The following PLD2 variants were observed in gnomAD, a reference collection of about 807,000 sequenced individuals.
PLD2 encodes the protein choline phosphatase 2.
In PLD2, 101 loss-of-function variants were observed where a neutral mutation model predicts 119.8. The observed-to-expected ratio is 0.84, with a 90% CI of 0.72 to 0.99. The LOEUF (loss-of-function observed/expected upper bound fraction) is 0.99, where lower values mean the gene tolerates loss of function less well. PLD2 is among the 50% of genes least tolerant of loss of function. The pLI is 0.00. For missense variants in PLD2, 1,164 were observed against 1,226.8 expected (o/e 0.95, Z 0.76); for synonymous variants, 494 against 482.8 (o/e 1.02, Z -0.30).
rs1005376207 is a variant in PLD2, at chr17:4,814,573, G to C, written c.1095-60G>C. Reference sequence around the variant, plus strand: ...GGCAGATCAGCATTAGGAGGAGAAGGGGGGTGCAGCTGGTGGTCTGGGGCT... The same window carrying C: ...GGCAGATCAGCATTAGGAGGAGAAGCGGGGTGCAGCTGGTGGTCTGGGGCT... On this transcript the variant is annotated intron_variant, in intron 11 of 24. Transcript: ENST00000263088. The C allele has an allele frequency of 1.6e-5, 26 of 1,612,936 alleles. No individual in the cohort carries two copies. The East Asian group carries it at 1.8e-4, about 11-fold the overall frequency.
intron 13 of PLD2, 33 bp from the exon 14 acceptor site, chr17:4,815,731 C>T (rs892461154): frequency 6.2e-7 from 1 of 1,609,844 alleles, no homozygotes; most frequent in South Asian, 1.1e-5. Context: ...TTCACCTAAA[C>T]CCACCCTCAT....
At position 4,807,793 on chromosome 17, in the gene PLD2, C is replaced by G. The variant is rs1254286946; in HGVS notation, c.21C>G (p.Ser7Arg). Reference sequence around the variant, plus strand: ...CTAGGATGACGGCGACCCCTGAGAGCCTCTTCCCCACTGGGGACGAACTGG... The same window carrying G: ...CTAGGATGACGGCGACCCCTGAGAGGCTCTTCCCCACTGGGGACGAACTGG... MTATPE[S>R]LFPTGDELDS... Residue 7 changes from serine to arginine, a missense_variant, in exon 2 of 25, where the codon AGC becomes AGG. Coordinates refer to ENST00000263088, the MANE Select transcript of PLD2 (RefSeq NM_002663.5). This position sits in a 1 kb window ranked among gnomAD's most constrained non-coding sequence, Gnocchi z 5.4. 8.7e-6 allele frequency: 14 copies of G among 1,607,434 alleles called. No homozygotes were observed. Among genetic ancestry groups the G allele is most frequent in the Non-Finnish European group, 1.1e-5 (13 of 1,176,510 alleles).
intron 17 of PLD2, 158 bp downstream of exon 17, chr17:4,817,417 C>A: frequency 1.6e-6 from 1 of 641,168 alleles, no homozygotes; most frequent in South Asian, 1.7e-5. Flanking sequence ...AATCCCAGCA[C>A]TTTGGAAGGC....
chr17:4,807,931 C>A lies in PLD2; in HGVS notation c.109+50C>A, dbSNP rs372196693. Reference sequence around the variant, plus strand: ...TCAGGGAGGAGAGGCGTTCGGGAGCCAGGGGGCTGGGGCCTGTTGTGGTCT... The same window carrying A: ...TCAGGGAGGAGAGGCGTTCGGGAGCAAGGGGGCTGGGGCCTGTTGTGGTCT... On this transcript the variant is annotated intron_variant, in intron 2 of 24. Transcript: ENST00000263088. This position sits in a 1 kb window ranked among gnomAD's most constrained non-coding sequence, Gnocchi z 5.4. 1.9e-6 allele frequency: 3 copies of A among 1,606,860 alleles called. No homozygotes were observed. The African/African-American group carries it at 4.0e-5, about 21-fold the overall frequency.
intron 7 of PLD2, 35 bp from the exon 8 acceptor site, chr17:4,809,656 T>A (rs1273775546): frequency 1.2e-6 from 2 of 1,611,516 alleles, no homozygotes; most frequent in Non-Finnish European, 1.7e-6. Flanking sequence ...GGGTCTGGAG[T>A]CCTCATCCCG....
At position 4,815,542 on chromosome 17, in the gene PLD2, G is replaced by A. The variant is rs1222781974; in HGVS notation, c.1240G>A (p.Gly414Ser). ...EVELALGINS[G>S]YSKRALMLLH... ...GGAATTGGCCTTGGGCATCAACAGT[G>A]GCTATAGCAAGAGGGCGCTGATGCT... is the stretch of plus-strand genomic sequence containing the variant. Residue 414 changes from glycine to serine, a missense_variant, in exon 13 of 25, where the codon GGC (glycine) becomes AGC (serine). Gly to Ser is a moderately conservative substitution (Grantham distance 56, BLOSUM62 0). Transcript: ENST00000263088. 2 of 1,613,756 alleles carry A rather than the reference G, an allele frequency of 1.2e-6. No homozygotes were observed. Among genetic ancestry groups the A allele is most frequent in the East Asian group, 4.5e-5 (2 of 44,882 alleles).
rs758741236 is a variant in PLD2 at position 4,818,867 on chromosome 17, G to A, written c.2173+44G>A. The A allele has an allele frequency of 5.6e-6, 9 of 1,597,062 alleles. No homozygotes were observed. In the Admixed American group the frequency reaches 8.4e-5, roughly 15 times the overall value. On this transcript the variant is annotated intron_variant, in intron 21 of 24. Coordinates refer to ENST00000263088, the MANE Select transcript of PLD2 (RefSeq NM_002663.5). ...GGGCTCAAGCCCTGGGCCCCTGGGAGAGGGAGATTGGGGCGCTGCAGGCCT... is the reference window on the plus strand; with the variant it reads ...GGGCTCAAGCCCTGGGCCCCTGGGAAAGGGAGATTGGGGCGCTGCAGGCCT...
At chr17:4,818,857 G>GC in intron 21 of PLD2, 34 bp downstream of exon 21, 1 of 1,606,932 alleles carries the variant, frequency 6.2e-7, no homozygotes, top group Non-Finnish European at 8.5e-7. Flanking sequence ...CAAGCCCTGG[G>GC]CCCCTGGGAG....
chr17:4,822,060 A>AG (rs1285157177), intron 24 of PLD2, among the ~76,000 whole-genome samples, 153 bp downstream of exon 24: 1 of 152,102 alleles, frequency 6.6e-6, no homozygotes, highest in Non-Finnish European at 1.5e-5. Context: ...TTAGTGGCCC[A>AG]GGCCGGGTGC....
At position 4,809,321 on chromosome 17, in the gene PLD2, C is replaced by CCGT; in HGVS notation, c.515_517dup (p.Arg172dup). Reference sequence around the variant, plus strand: ...AGAAATACCTGGAGAATTACCTCAACCGTCTCTTGACCATGTCTTTCTATC... The same window carrying CCGT: ...AGAAATACCTGGAGAATTACCTCAACCGTCGTCTCTTGACCATGTCTTTCTATC... On this transcript the variant is annotated inframe_insertion, in exon 6 of 25. Transcript: ENST00000263088. The CCGT allele has an allele frequency of 6.2e-7, 1 of 1,614,144 alleles. No homozygotes were observed. Among genetic ancestry groups the CCGT allele is most frequent in the Non-Finnish European group, 8.5e-7 (1 of 1,179,956 alleles).
At position 4,809,183 on chromosome 17, in the gene PLD2, C is replaced by T. The variant is rs978950864; in HGVS notation, c.467C>T (p.Thr156Ile). ...CCCCGGGCAGGTCCTGAGGGCTCCA[C>T]CAGACATGCAGCCAGCAAACAGGTG... ...SLPRAGPEGSTRHAASKQKYL... is the reference protein window; with the variant it reads ...SLPRAGPEGSIRHAASKQKYL... The change falls in exon 5 of 25, where the codon ACC becomes ATC. Residue 156 changes from threonine to isoleucine, a missense_variant. By Grantham distance (89) the Thr-to-Ile change is moderately conservative. Transcript: ENST00000263088. 6.2e-7 allele frequency: 1 copy of T among 1,614,148 alleles called. No individual in the cohort carries two copies.
In PLD2 at chr17:4,815,896, A is replaced by G. The variant is rs754000794; in HGVS notation, c.1417A>G (p.Thr473Ala). The change falls in exon 14 of 25, where the codon ACT becomes GCT. Residue 473 changes from threonine (T) to alanine (A), a missense_variant. Transcript: ENST00000263088. ...GRWDDLHYRLTDLGDSSESAA... is the reference protein window; with the variant it reads ...GRWDDLHYRLADLGDSSESAA... ...CTGGGATGACCTGCACTACCGACTG[A>G]CTGACCTTGGAGACTCCTCTGAATC... 6.2e-7 allele frequency: 1 copy of G among 1,613,992 alleles called. No homozygotes were observed. Among genetic ancestry groups the G allele is most frequent in the South Asian group, 1.1e-5 (1 of 91,074 alleles).
Position 4,818,550 on chromosome 17 carries a change from G to T in PLD2, c.2066G>T (p.Gly689Val). ...VLLPLLPGFE[G>V]DISTGGGNSI... ...TTGCCCTTACTCCCTGGCTTCGAGG[G>T]TGACATCTCCACGGGCGGTGGCAAC... The change falls in exon 20 of 25, where the codon GGT becomes GTT. Residue 689 changes from glycine (G) to valine (V), a missense_variant. Coordinates refer to ENST00000263088, the MANE Select transcript of PLD2 (RefSeq NM_002663.5). The T allele has an allele frequency of 6.2e-7, 1 of 1,614,030 alleles. No homozygotes were observed. The highest frequency in any genetic ancestry group is 1.1e-5 in the South Asian group (1 of 91,076).
Position 4,807,191 on chromosome 17 carries a change from C to G in PLD2, c.-36C>G, listed in dbSNP as rs2875842. ...CAGCTCCGGTCTGCTCTCTTGGCTCCGGAACCCCCGCGGGCGCTGGCTCCG... is the reference window on the plus strand; with the variant it reads ...CAGCTCCGGTCTGCTCTCTTGGCTCGGGAACCCCCGCGGGCGCTGGCTCCG... On this transcript the variant is annotated 5_prime_UTR_variant, in exon 1 of 25. Coordinates refer to ENST00000263088, the MANE Select transcript of PLD2 (RefSeq NM_002663.5). The surrounding 1 kb of genome is among the most constrained non-coding windows in gnomAD (Gnocchi z 5.4). The G allele has an allele frequency of 0.89, 134,563 of 151,204 alleles. 59,984 individuals carry two copies. The highest frequency in any genetic ancestry group is 0.94 in the South Asian group (4,541 of 4,808). 9.4% of individuals were successfully genotyped at this position (151,204 alleles called of 1,614,324 possible).
chr17:4,817,056 G>T lies in PLD2; in HGVS notation c.1701+1G>T. On this transcript the variant is annotated splice_donor_variant, in intron 16 of 24. Transcript: ENST00000263088. LOFTEE classifies it high-confidence loss of function. ...CATCCAGCGCTGGAACTTCACCAAG[G>T]TGTTCATTCCCTCCGATAGGGGCTG... 6.2e-7 allele frequency: 1 copy of T among 1,613,282 alleles called. No homozygotes were observed. The highest frequency in any genetic ancestry group is 8.5e-7 in the Non-Finnish European group (1 of 1,179,306).
At chr17:4,817,444 C>T (rs561450016) in intron 17 of PLD2, 185 bp downstream of exon 17, 2 of 601,478 alleles carry the variant, frequency 3.3e-6, no homozygotes, top group Admixed American at 2.7e-5. Context: ...AGGCGGATCA[C>T]AAGGTCCGGA....
intron 23 of PLD2, among the ~76,000 whole-genome samples, chr17:4,820,995 C>T (rs1028663208): frequency 3.4e-5 from 5 of 145,226 alleles, no homozygotes; most frequent in Non-Finnish European, 6.1e-5. Context: ...CTCCGCCTCC[C>T]GGGTTCATAC....
chr17:4,810,712 T>C, intron 9 of PLD2, 90 bp from the exon 10 acceptor site: 1 of 1,199,524 alleles, frequency 8.3e-7, no homozygotes, highest in African/African-American at 3.1e-5. Context: ...GATTAGGGAC[T>C]AAGGGAGGAA....
intron 10 of PLD2, among the ~76,000 whole-genome samples, chr17:4,812,006 A>G (rs1447118687): frequency 6.9e-6 from 1 of 145,826 alleles, no homozygotes. Context: ...TTTTACAAAA[A>G]ATTTTAAAAA....
Sources: allele counts gnomAD v4.1 joint callset (sites outside exome capture counted in the v4.1 genomes callset), GRCh38; gene constraint gnomAD v4.1.1; non-coding constraint Gnocchi (gnomAD v3.1); transcripts MANE v1.5; gene names NCBI Gene and HGNC (gene_info 2026-07-23, HGNC 2026-07-21).